Variants in GRM7 observed in about 807,000 individuals in gnomAD.
GRM7 encodes glutamate metabotropic receptor 7.
GRM7 carries 35 observed loss-of-function variants against 84.5 expected under a neutral mutation model. The ratio of observed to expected loss-of-function variants is 0.41; its 90% CI spans 0.32 to 0.55. The LOEUF (loss-of-function observed/expected upper bound fraction) is 0.55, where lower values mean the gene tolerates loss of function less well. Ranked by LOEUF, GRM7 falls within the 20% of genes least tolerant of loss-of-function variation. GRM7 has a pLI of 0.19. For missense variants in GRM7, 1,003 were observed against 1,194.6 expected, an observed-to-expected ratio of 0.84 and a Z score of 2.36; for synonymous variants, 487 against 455.1, an observed-to-expected ratio of 1.07 and a Z score of -0.89.
At chr3:7,659,361 GGAAAGA>G (rs1699335156) in intron 8 of GRM7, among the ~76,000 whole-genome samples, 1 of 152,068 alleles carries the variant, frequency 6.6e-6, no homozygotes, top group Non-Finnish European at 1.5e-5. Flanking sequence ...TGAGCTACTG[GGAAAGA>G]GAAAGAGGCT....
intron 1 of GRM7, among the ~76,000 whole-genome samples, chr3:7,101,847 A>G (rs1699119921): frequency 6.7e-6 from 1 of 149,122 alleles, no homozygotes; most frequent in South Asian, 2.1e-4. Flanking sequence ...GTATATGTAT[A>G]TATACACATT....
At chr3:7,669,440 A>C (rs1256678440) in intron 8 of GRM7, among the ~76,000 whole-genome samples, 1 of 152,180 alleles carries the variant, frequency 6.6e-6, no homozygotes, top group South Asian at 2.1e-4. Context: ...AAGGTAAGGG[A>C]AGTCAGAAGG....
chr3:7,183,318 A>G (rs1353140818), intron 2 of GRM7, among the ~76,000 whole-genome samples: 1 of 152,188 alleles, frequency 6.6e-6, no homozygotes, highest in Non-Finnish European at 1.5e-5. Flanking sequence ...GGTCACTTAT[A>G]TTTAATAAGG....
chr3:6,861,398 C>G lies in GRM7; in HGVS notation c.10C>G (p.Leu4Val). 1.9e-6 allele frequency: 3 copies of G among 1,576,546 alleles called. No homozygotes were observed. The highest frequency in any genetic ancestry group is 2.4e-5 in the South Asian group (2 of 84,230). Residue 4 changes from leucine to valine, a missense_variant, in exon 1 of 10, where the codon CTG becomes GTG. Transcript: ENST00000357716. The surrounding 1 kb of genome is among the most constrained non-coding windows in gnomAD (Gnocchi z 6.4). ...CAGCAGCCGGAGCAGCATGGTCCAG[C>G]TGAGGAAGCTGCTCCGCGTCCTGAC... is the stretch of plus-strand genomic sequence containing the variant. MVQ[L>V]RKLLRVLTLM...
In GRM7 at chr3:7,031,270, C is replaced by G. The variant is rs1355907608; in HGVS notation, c.520-115182C>G. 3.9e-5 allele frequency among the ~76,000 whole-genome samples: 6 copies of G among 152,046 alleles called. No homozygotes were observed. In the East Asian group the frequency reaches 9.7e-4, roughly 25 times the overall value. On this transcript the variant is annotated intron_variant, in intron 1 of 9. Transcript: ENST00000357716. Reference sequence around the variant, plus strand: ...CTAAGTCTCTTCACACCTAAAATTCCCTTGAAATGCTCTTTTGTGGGCTTA... The same window carrying G: ...CTAAGTCTCTTCACACCTAAAATTCGCTTGAAATGCTCTTTTGTGGGCTTA...
chr3:6,927,202 C>T (rs1426739640), intron 1 of GRM7, among the ~76,000 whole-genome samples: 8 of 152,070 alleles, frequency 5.3e-5, no homozygotes, highest in Non-Finnish European at 7.4e-5. Flanking sequence ...CTGAGGTAGA[C>T]GGATCACTTG....
chr3:7,501,727 A>T (rs987323465), intron 7 of GRM7, among the ~76,000 whole-genome samples: 1 of 152,238 alleles, frequency 6.6e-6, no homozygotes, highest in African/African-American at 2.4e-5. Flanking sequence ...TGTAGGAAGC[A>T]TATATTTCAT....
chr3:7,386,947 C>T (rs1490816637), intron 4 of GRM7, among the ~76,000 whole-genome samples: 1 of 152,004 alleles, frequency 6.6e-6, no homozygotes, highest in Non-Finnish European at 1.5e-5. Context: ...TTTGATTTTT[C>T]AATAAAAGTC....
At chr3:7,099,495 A>G (rs537291698) in intron 1 of GRM7, among the ~76,000 whole-genome samples, 2 of 145,732 alleles carry the variant, frequency 1.4e-5, no homozygotes, top group South Asian at 2.1e-4. Flanking sequence ...ATGTACACGC[A>G]TTATACATGT....
intron 1 of GRM7, among the ~76,000 whole-genome samples, chr3:6,960,636 A>C (rs1053985234): frequency 6.6e-6 from 1 of 152,122 alleles, no homozygotes; most frequent in African/African-American, 2.4e-5. Flanking sequence ...AAACATTTTC[A>C]ATGTATTCCC....
intron 1 of GRM7, among the ~76,000 whole-genome samples, chr3:6,917,505 T>C (rs1696982023): frequency 6.6e-6 from 1 of 150,654 alleles, no homozygotes; most frequent in African/African-American, 2.4e-5. Context: ...TTTTTTTTTT[T>C]TTTTTTTGGA....
chr3:7,609,330 G>A (rs1696738544), intron 8 of GRM7, among the ~76,000 whole-genome samples: 1 of 152,158 alleles, frequency 6.6e-6, no homozygotes, highest in Admixed American at 6.5e-5. Context: ...GGAAAGTGGG[G>A]TCCATAAATG....
chr3:7,597,678 G>A lies in GRM7; in HGVS notation c.2451+18321G>A, dbSNP rs556034210. Among the ~76,000 whole-genome samples the A allele has an allele frequency of 8.5e-5, 13 of 152,150 alleles. No individual in the cohort carries two copies. In the South Asian group the frequency reaches 2.3e-3, roughly 27 times the overall value. On this transcript the variant is annotated intron_variant, in intron 8 of 9. Coordinates refer to ENST00000357716, the MANE Select transcript of GRM7 (RefSeq NM_000844.4). ...CCAGAGTCCCTTTGTTTCTTGGTGT[G>A]GCTCATTTTTGGTTTGTTTGTTTCC...
intron 1 of GRM7, among the ~76,000 whole-genome samples, chr3:6,979,748 G>A (rs374392563): frequency 6.6e-5 from 10 of 152,004 alleles, no homozygotes; most frequent in Admixed American, 3.3e-4. Flanking sequence ...AAGTAATTGC[G>A]GTTTTCACCA....
At chr3:7,323,912 CA>C (rs1158471747) in intron 4 of GRM7, among the ~76,000 whole-genome samples, 1 of 152,110 alleles carries the variant, frequency 6.6e-6, no homozygotes, top group Admixed American at 6.6e-5. Flanking sequence ...TATAATCTAT[CA>C]AAATTAAGCT....
intron 5 of GRM7, among the ~76,000 whole-genome samples, chr3:7,424,706 C>T (rs1177097236): frequency 6.6e-6 from 1 of 152,194 alleles, no homozygotes; most frequent in Non-Finnish European, 1.5e-5. Context: ...GGGCCAGTTT[C>T]TGTGCTGAGC....
At chr3:7,201,842 A>G (rs887589105) in intron 2 of GRM7, among the ~76,000 whole-genome samples, 1 of 152,194 alleles carries the variant, frequency 6.6e-6, no homozygotes, top group African/African-American at 2.4e-5. Flanking sequence ...GGCTCTATGA[A>G]ACTAATTCTT....
At chr3:7,138,263 A>G (rs1559464631) in intron 1 of GRM7, among the ~76,000 whole-genome samples, 2 of 152,056 alleles carry the variant, frequency 1.3e-5, no homozygotes, top group African/African-American at 2.4e-5. Context: ...ATGCAAATAT[A>G]TAATCATAAA....
chr3:6,946,953 C>G (rs1252793659), intron 1 of GRM7, among the ~76,000 whole-genome samples: 1 of 152,152 alleles, frequency 6.6e-6, no homozygotes, highest in Non-Finnish European at 1.5e-5. Flanking sequence ...AGATTTTGGG[C>G]TGAGAGGATG....
Sources: allele counts gnomAD v4.1 joint callset (sites outside exome capture counted in the v4.1 genomes callset), GRCh38; gene constraint gnomAD v4.1.1; non-coding constraint Gnocchi (gnomAD v3.1); transcripts MANE v1.5; gene names NCBI Gene and HGNC (gene_info 2026-07-23, HGNC 2026-07-21).